The following DCC variants were observed in gnomAD, a reference collection of about 807,000 sequenced individuals.
DCC encodes netrin receptor DCC.
In DCC, 58 loss-of-function variants were observed where a neutral mutation model predicts 172.5. That is an observed-to-expected ratio of 0.34 (90% CI 0.27 to 0.42). The LOEUF (loss-of-function observed/expected upper bound fraction) is 0.42. Among genes scored for constraint, DCC ranks in the 10% least tolerant of loss-of-function variants. The pLI, the probability that DCC is intolerant of heterozygous loss-of-function variation, is 1.00. For synonymous variants in DCC, 709 were observed against 644.5 expected (o/e 1.10, Z -1.52); for missense variants, 1,740 against 1,791.0 (o/e 0.97, Z 0.51).
chr18:52,357,075 G>C lies in DCC; in HGVS notation c.91+16197G>C, dbSNP rs545371680. Among the ~76,000 whole-genome samples the C allele has an allele frequency of 2.7e-3, 410 of 152,300 alleles. 1 individual carries two copies. Among genetic ancestry groups the C allele is most frequent in the African/African-American group, 9.6e-3 (399 of 41,570 alleles). On this transcript the variant is annotated intron_variant, in intron 1 of 28. Transcript: ENST00000442544. ...GCTGGGATTATAGGCATAAGCCACT[G>C]CTTCCAAATCTGGCTTAACCCATGT...
chr18:53,289,072 A>G (rs1302168012), intron 12 of DCC, among the ~76,000 whole-genome samples: 1 of 152,166 alleles, frequency 6.6e-6, no homozygotes, highest in Non-Finnish European at 1.5e-5. Context: ...AGTGGGTATC[A>G]CTGTCAACCT....
chr18:52,880,684 A>G (rs1175391662), intron 2 of DCC, among the ~76,000 whole-genome samples: 5 of 152,176 alleles, frequency 3.3e-5, no homozygotes, highest in African/African-American at 1.2e-4. Flanking sequence ...GTTGAAAATG[A>G]TTAACTCTCA....
chr18:52,793,088 C>T (rs1298055961), intron 2 of DCC, among the ~76,000 whole-genome samples: 1 of 152,144 alleles, frequency 6.6e-6, no homozygotes, highest in Non-Finnish European at 1.5e-5. Context: ...ATTTTATAGG[C>T]AGGTTGGAGA....
intron 7 of DCC, among the ~76,000 whole-genome samples, chr18:53,109,396 A>C (rs1358175227): frequency 6.6e-6 from 1 of 151,662 alleles, no homozygotes; most frequent in Non-Finnish European, 1.5e-5. Context: ...CTAAAACTTC[A>C]ATATTTATTA....
intron 7 of DCC, among the ~76,000 whole-genome samples, chr18:53,104,266 G>A (rs887084254): frequency 1.3e-5 from 2 of 151,946 alleles, no homozygotes; most frequent in African/African-American, 4.8e-5. Flanking sequence ...CCCAAATCTT[G>A]TCCTGAATAC....
At chr18:53,262,880 G>A (rs2056622537) in intron 12 of DCC, among the ~76,000 whole-genome samples, 1 of 152,068 alleles carries the variant, frequency 6.6e-6, no homozygotes, top group Non-Finnish European at 1.5e-5. Flanking sequence ...GATATTTTCA[G>A]GAAATGAGAA....
intron 1 of DCC, among the ~76,000 whole-genome samples, chr18:52,456,106 A>C (rs1988449346): frequency 1.3e-5 from 2 of 152,264 alleles, no homozygotes; most frequent in Middle Eastern, 3.4e-3. Context: ...CTCCCTTCCT[A>C]GTCCTCTGTT....
chr18:52,795,533 T>A (rs1179922618), intron 2 of DCC, among the ~76,000 whole-genome samples: 1 of 151,988 alleles, frequency 6.6e-6, no homozygotes, highest in South Asian at 2.1e-4. Context: ...GTTTAAAAAT[T>A]TTACCTTCTC....
chr18:52,445,081 A>G (rs1182838049), intron 1 of DCC, among the ~76,000 whole-genome samples: 1 of 152,178 alleles, frequency 6.6e-6, no homozygotes, highest in Admixed American at 6.5e-5. Context: ...CACAGGAGCT[A>G]TTGAACATCC....
At chr18:52,945,358 T>G (rs535384083) in intron 5 of DCC, among the ~76,000 whole-genome samples, 1 of 152,324 alleles carries the variant, frequency 6.6e-6, no homozygotes, top group East Asian at 1.9e-4. Flanking sequence ...TGAAAATATA[T>G]GAACACAGTC....
intron 2 of DCC, among the ~76,000 whole-genome samples, chr18:52,819,885 A>AT (rs397977094): frequency 0.076 from 11,213 of 147,616 alleles, 1,340 homozygotes; most frequent in African/African-American, 0.26. Context: ...TGCCCAGCTA[A>AT]TTTTTTTTTT....
At chr18:52,911,692 G>A (rs2039972717) in intron 3 of DCC, among the ~76,000 whole-genome samples, 1 of 151,268 alleles carries the variant, frequency 6.6e-6, no homozygotes, top group Non-Finnish European at 1.5e-5. Context: ...AGCACATTAG[G>A]TTAATGCATT....
Position 52,565,574 on chromosome 18 carries a change from C to T in DCC, c.92-186480C>T, listed in dbSNP as rs551349096. On this transcript the variant is annotated intron_variant, in intron 1 of 28. Transcript: ENST00000442544. ...GGTATCTCATTGTGGTTTTGATTTG[C>T]TTTTCTCTAATGACGAGTGATAATG... 1.1e-4 allele frequency among the ~76,000 whole-genome samples: 16 copies of T among 152,258 alleles called. No individual in the cohort carries two copies. In the South Asian group the frequency reaches 1.5e-3, roughly 14 times the overall value.
intron 7 of DCC, among the ~76,000 whole-genome samples, chr18:53,085,357 A>G (rs1203898223): frequency 2.0e-5 from 3 of 151,946 alleles, no homozygotes; most frequent in African/African-American, 4.8e-5. Flanking sequence ...TTTTTTTTCC[A>G]TCTAAAATAA....
chr18:53,044,633 T>A (rs144984519), intron 5 of DCC, among the ~76,000 whole-genome samples: 392 of 151,974 alleles, frequency 2.6e-3, no homozygotes, highest in African/African-American at 8.9e-3. Context: ...CTTCTCAAAG[T>A]ACTTACAGCC....
At position 52,465,350 on chromosome 18, in the gene DCC, A is replaced by G. The variant is rs369297917; in HGVS notation, c.91+124472A>G. Among the ~76,000 whole-genome samples, 14 of 152,258 alleles carry G rather than the reference A, an allele frequency of 9.2e-5. No individual in the cohort carries two copies. The East Asian group carries it at 1.2e-3, about 13-fold the overall frequency. ...ACTCTCAGCCAAAGAATACATATTTATCTGTTGCTGACTTTTTTTCTCCCC... is the reference window on the plus strand; with the variant it reads ...ACTCTCAGCCAAAGAATACATATTTGTCTGTTGCTGACTTTTTTTCTCCCC... On this transcript the variant is annotated intron_variant, in intron 1 of 28. Coordinates refer to ENST00000442544, the MANE Select transcript of DCC (RefSeq NM_005215.4).
chr18:52,933,911 G>A (rs758865850), intron 5 of DCC, among the ~76,000 whole-genome samples: 13 of 151,940 alleles, frequency 8.6e-5, no homozygotes, highest in South Asian at 2.1e-4. Context: ...TTTGGTGTCC[G>A]TTTGAGTGTG....
intron 1 of DCC, among the ~76,000 whole-genome samples, chr18:52,398,498 A>G (rs1258029830): frequency 1.3e-5 from 2 of 151,930 alleles, no homozygotes; most frequent in Non-Finnish European, 2.9e-5. Flanking sequence ...TGTCTCCTCA[A>G]TTAGATTGCA....
intron 5 of DCC, among the ~76,000 whole-genome samples, chr18:53,043,172 A>G (rs946624391): frequency 6.6e-6 from 1 of 151,978 alleles, no homozygotes; most frequent in Admixed American, 6.6e-5. Context: ...TTACAAGGAC[A>G]TGGATGAAGC....
Sources: gnomAD v4.1 joint callset for allele counts (sites outside exome capture counted in the v4.1 genomes callset) on GRCh38, gnomAD v4.1.1 for gene constraint, MANE v1.5 for transcripts, NCBI Gene and HGNC (gene_info 2026-07-23, HGNC 2026-07-21) for gene names.